The following SOCS2 variants were observed in gnomAD, a reference collection of about 807,000 sequenced individuals.
SOCS2 encodes suppressor of cytokine signaling 2.
SOCS2 carries 10 observed loss-of-function variants against 18.6 expected under a neutral mutation model. That is an observed-to-expected ratio of 0.54 (90% CI 0.33 to 0.91). The LOEUF (loss-of-function observed/expected upper bound fraction) is 0.91. Among genes scored for constraint, SOCS2 ranks in the 40% least tolerant of loss-of-function variants. The pLI is 0.02. For missense variants in SOCS2, 231 were observed against 247.2 expected (o/e 0.93, Z 0.44); for synonymous variants, 104 against 104.0 (o/e 1.00, Z 0.00).
chr12:93,572,963 C>T lies in SOCS2; in HGVS notation c.66C>T (p.Thr22=), dbSNP rs756566780. Residue 22 remains threonine, a synonymous_variant, in exon 1 of 2, where the codon ACC becomes ACT. Transcript: ENST00000551556. The surrounding 1 kb of genome is among the most constrained non-coding windows in gnomAD (Gnocchi z 5.0). Reference sequence around the variant, plus strand: ...AAGGGACGCGGAGCCAGTGGGGGACCGCGGGGTCGGCGGAGGAGCCATCCC... The same window carrying T: ...AAGGGACGCGGAGCCAGTGGGGGACTGCGGGGTCGGCGGAGGAGCCATCCC... The part of the protein sequence containing the change: ...GGEGTRSQWG[T]AGSAEEPSPQ... The T allele has an allele frequency of 7.7e-6, 12 of 1,568,412 alleles. No homozygotes were observed. In the African/African-American group the frequency reaches 1.5e-4, roughly 19 times the overall value.
chr12:93,584,793 G>A (rs1420992876), downstream of SOCS2, among the ~76,000 whole-genome samples: 2 of 151,148 alleles, frequency 1.3e-5, no homozygotes, highest in African/African-American at 4.9e-5. Context: ...ACGGAGTTTC[G>A]CTTTTGTTGC....
the SOCS2 span, among the ~76,000 whole-genome samples, chr12:93,621,393 G>A: frequency 6.6e-6 from 1 of 152,168 alleles, no homozygotes; most frequent in African/African-American, 2.4e-5. Context: ...ATTAAGAGAG[G>A]TGAAATCTGA....
chr12:93,585,646 C>A (rs1349236374), downstream of SOCS2, among the ~76,000 whole-genome samples: 1 of 152,154 alleles, frequency 6.6e-6, no homozygotes. Context: ...ACATGTATAG[C>A]CTCTTTAATT....
the SOCS2 span, among the ~76,000 whole-genome samples, chr12:93,621,659 T>A: frequency 1.3e-5 from 2 of 152,158 alleles, no homozygotes; most frequent in Admixed American, 1.3e-4. Flanking sequence ...AAAAAATTTT[T>A]TTTTTGTAGA....
At chr12:93,614,541 T>C in the SOCS2 span, among the ~76,000 whole-genome samples, 2 of 29,366 alleles carry the variant, frequency 6.8e-5, no homozygotes, top group African/African-American at 2.3e-4. Flanking sequence ...CCTTCCTTCC[T>C]TCTTTCTTTC....
chr12:93,596,906 G>A, the SOCS2 span, among the ~76,000 whole-genome samples: 1 of 152,254 alleles, frequency 6.6e-6, no homozygotes, highest in Admixed American at 6.5e-5. Context: ...ACTACAAATT[G>A]TCTTTCTTCT....
chr12:93,616,093 G>A, the SOCS2 span, among the ~76,000 whole-genome samples: 7 of 152,326 alleles, frequency 4.6e-5, no homozygotes, highest in African/African-American at 1.4e-4. Flanking sequence ...TAGCATTTTG[G>A]CTGGTGCTGA....
chr12:93,611,203 C>G, the SOCS2 span, among the ~76,000 whole-genome samples: 1 of 152,016 alleles, frequency 6.6e-6, no homozygotes, highest in African/African-American at 2.4e-5. Context: ...CTTACATATC[C>G]CTTTTCTAAT....
chr12:93,604,579 C>A, the SOCS2 span, among the ~76,000 whole-genome samples: 1 of 152,156 alleles, frequency 6.6e-6, no homozygotes, highest in East Asian at 1.9e-4. Flanking sequence ...GACTTACATT[C>A]GTAAAGTGTT....
At chr12:93,610,030 G>A in the SOCS2 span, among the ~76,000 whole-genome samples, 8 of 152,268 alleles carry the variant, frequency 5.3e-5, no homozygotes, top group Admixed American at 1.3e-4. Flanking sequence ...ATTCAAGAGA[G>A]CAGAGCCCTC....
the SOCS2 span, among the ~76,000 whole-genome samples, chr12:93,615,712 C>T: frequency 1.9e-4 from 29 of 152,342 alleles, no homozygotes; most frequent in African/African-American, 6.7e-4. Flanking sequence ...TCTTATGCCT[C>T]AACCTCTGAA....
At chr12:93,577,044 C>A (rs1954476539), downstream of SOCS2, among the ~76,000 whole-genome samples, 1 of 152,198 alleles carries the variant, frequency 6.6e-6, no homozygotes, top group South Asian at 2.1e-4. Context: ...TCTATATGAT[C>A]AGTGCCAAGG....
At chr12:93,599,897 T>G in the SOCS2 span, among the ~76,000 whole-genome samples, 5 of 152,248 alleles carry the variant, frequency 3.3e-5, no homozygotes, top group Admixed American at 3.3e-4. Context: ...AATAAAATTC[T>G]TCATATGTTA....
the SOCS2 span, among the ~76,000 whole-genome samples, chr12:93,622,984 G>C: frequency 2.0e-5 from 3 of 152,294 alleles, no homozygotes; most frequent in East Asian, 5.8e-4. Flanking sequence ...GTTCAAAGTA[G>C]CATGATAACT....
At chr12:93,588,457 TA>T (rs554606877), downstream of SOCS2, among the ~76,000 whole-genome samples, 23 of 152,126 alleles carry the variant, frequency 1.5e-4, no homozygotes, top group African/African-American at 5.3e-4. Flanking sequence ...AAGGGGTCCA[TA>T]AAAAAAGTCA....
the SOCS2 span, among the ~76,000 whole-genome samples, chr12:93,590,976 C>T: frequency 3.3e-5 from 5 of 151,820 alleles, no homozygotes; most frequent in Non-Finnish European, 5.9e-5. Context: ...ACTGGCTTTT[C>T]CCTTAACACT....
the SOCS2 span, among the ~76,000 whole-genome samples, chr12:93,591,107 C>T: frequency 6.3e-4 from 95 of 151,814 alleles, no homozygotes; most frequent in African/African-American, 2.2e-3. Flanking sequence ...GGAGAGTAAA[C>T]ATTTTCGATT....
chr12:93,619,561 C>T, the SOCS2 span, among the ~76,000 whole-genome samples: 1 of 152,156 alleles, frequency 6.6e-6, no homozygotes, highest in Non-Finnish European at 1.5e-5. Flanking sequence ...TAGTGGGTGC[C>T]ATGTGGGCAT....
At chr12:93,595,400 T>C in the SOCS2 span, among the ~76,000 whole-genome samples, 9 of 152,206 alleles carry the variant, frequency 5.9e-5, no homozygotes, top group Admixed American at 3.3e-4. Flanking sequence ...AGACCAATCT[T>C]TCTACCCTTC....
Sources: gnomAD v4.1 joint callset for allele counts (sites outside exome capture counted in the v4.1 genomes callset) on GRCh38, gnomAD v4.1.1 for gene constraint, Gnocchi (gnomAD v3.1) non-coding constraint, MANE v1.5 for transcripts, NCBI Gene and HGNC (gene_info 2026-07-23, HGNC 2026-07-21) for gene names.